The following GPC4 variants were observed in gnomAD, a reference collection of about 807,000 sequenced individuals.
The protein encoded by GPC4 is glypican-4.
Under a neutral mutation model 35.0 loss-of-function variants are expected in GPC4, and 10 were observed. The observed-to-expected ratio is 0.29, with a 90% CI of 0.18 to 0.48. The LOEUF (loss-of-function observed/expected upper bound fraction) is 0.48, where lower values mean the gene tolerates loss of function less well. GPC4 is among the 20% of genes least tolerant of loss of function. GPC4 has a pLI of 0.99. For synonymous variants in GPC4, 167 were observed against 170.2 expected, an observed-to-expected ratio of 0.98 and a Z score of 0.15; for missense variants, 322 against 451.3, an observed-to-expected ratio of 0.71 and a Z score of 2.60.
intron 3 of GPC4, among the ~76,000 whole-genome samples, chrX:133,320,233 A>G (rs1382721596): frequency 8.9e-6 from 1 of 111,948 alleles, no homozygotes; most frequent in African/African-American, 3.2e-5. Flanking sequence ...GTCTTCCCAT[A>G]CAACTACACA....
intron 1 of GPC4, among the ~76,000 whole-genome samples, chrX:133,409,261 T>C (rs1429986346): frequency 2.1e-5 from 2 of 94,082 alleles, no homozygotes; most frequent in Non-Finnish European, 4.1e-5. Flanking sequence ...AGGCAGAGGT[T>C]GCGATGAGGC....
At chrX:133,330,942 TAAGCA>T (rs1484078054) in intron 2 of GPC4, among the ~76,000 whole-genome samples, 69 of 100,140 alleles carry the variant, frequency 6.9e-4, no homozygotes, top group Non-Finnish European at 1.1e-3. Flanking sequence ...ACCCTAAGTC[TAAGCA>T]AAACAAACAA....
At chrX:133,402,585 A>G (rs1480229439) in intron 1 of GPC4, among the ~76,000 whole-genome samples, 1 of 112,066 alleles carries the variant, frequency 8.9e-6, no homozygotes, top group Non-Finnish European at 1.9e-5. Flanking sequence ...ATGCAACAAA[A>G]AGGGGCAAAG....
intron 1 of GPC4, among the ~76,000 whole-genome samples, chrX:133,391,041 A>G (rs1258267992): frequency 1.8e-5 from 2 of 112,361 alleles, no homozygotes; most frequent in Non-Finnish European, 3.7e-5. Flanking sequence ...ATCAGACCGG[A>G]AAGAAAATAT....
At chrX:133,303,438 T>C (rs2068276981) in intron 7 of GPC4, 97 bp from the exon 8 acceptor site, 2 of 708,346 alleles carry the variant, frequency 2.8e-6, no homozygotes, top group Non-Finnish European at 4.2e-6. Context: ...GTGAAGATTA[T>C]GAAGATTATA....
intron 2 of GPC4, among the ~76,000 whole-genome samples, chrX:133,334,520 C>T (rs996120536): frequency 6.3e-5 from 7 of 111,777 alleles, no homozygotes; most frequent in African/African-American, 2.0e-4. Flanking sequence ...ACCATACAGA[C>T]GGCTAATTAA....
chrX:133,388,822 T>G (rs1346204239), intron 1 of GPC4, among the ~76,000 whole-genome samples: 1 of 108,078 alleles, frequency 9.3e-6, no homozygotes, highest in Non-Finnish European at 1.9e-5. Flanking sequence ...TTTTAAGAGA[T>G]GGACTCTCAC....
intron 1 of GPC4, among the ~76,000 whole-genome samples, chrX:133,351,235 T>C (rs2068515078): frequency 9.0e-6 from 1 of 111,481 alleles, no homozygotes; most frequent in South Asian, 3.9e-4. Context: ...ATTCAGAGAA[T>C]TACCTGTGTT....
chrX:133,388,986 C>T (rs2068706705), intron 1 of GPC4, among the ~76,000 whole-genome samples: 1 of 84,999 alleles, frequency 1.2e-5, no homozygotes, highest in African/African-American at 4.9e-5. Context: ...AGACAGGGTA[C>T]GAGTCTGTCA....
In GPC4 at chrX:133,383,803, C is replaced by T. The variant is rs770312458; in HGVS notation, c.160+31003G>A. Reference sequence around the variant, plus strand: ...CTAAGGTTGCAGTGAGCCAAGATCACACCACTGCACTCCAGCCTAAGGGGC... The same window carrying T: ...CTAAGGTTGCAGTGAGCCAAGATCATACCACTGCACTCCAGCCTAAGGGGC... On this transcript the variant is annotated intron_variant, in intron 1 of 8. Coordinates refer to ENST00000370828, the MANE Select transcript of GPC4 (RefSeq NM_001448.3). 2.7e-5 allele frequency among the ~76,000 whole-genome samples: 3 copies of T among 111,856 alleles called. No homozygotes were observed. In the South Asian group the frequency reaches 1.1e-3, roughly 43 times the overall value.
chrX:133,379,001 G>A (rs1474118184), intron 1 of GPC4, among the ~76,000 whole-genome samples: 1 of 112,446 alleles, frequency 8.9e-6, no homozygotes, highest in African/African-American at 3.2e-5. Context: ...ATACACTGCT[G>A]GTGGGAATGT....
chrX:133,364,317 T>C (rs1376493358), intron 1 of GPC4, among the ~76,000 whole-genome samples: 2 of 111,415 alleles, frequency 1.8e-5, no homozygotes, highest in Admixed American at 1.9e-4. Context: ...TGCTTGGTCA[T>C]ACGGACCAAA....
chrX:133,357,989 T>C (rs1159632077), intron 1 of GPC4, among the ~76,000 whole-genome samples: 1 of 111,819 alleles, frequency 8.9e-6, no homozygotes, highest in Non-Finnish European at 1.9e-5. Flanking sequence ...TTTTAGTCTT[T>C]GGAAATATTT....
intron 1 of GPC4, among the ~76,000 whole-genome samples, chrX:133,342,486 C>T (rs972148864): frequency 4.5e-5 from 5 of 112,096 alleles, no homozygotes; most frequent in African/African-American, 9.7e-5. Flanking sequence ...CTGGCAAAGT[C>T]GTCTGCCCCT....
chrX:133,397,374 TATGGC>T (rs1195623491), intron 1 of GPC4, among the ~76,000 whole-genome samples: 3 of 110,420 alleles, frequency 2.7e-5, no homozygotes, highest in Non-Finnish European at 5.7e-5. Context: ...GCCTGGGCGA[TATGGC>T]AAAACTCCCT....
chrX:133,401,022 T>C (rs918594208), intron 1 of GPC4, among the ~76,000 whole-genome samples: 1 of 111,054 alleles, frequency 9.0e-6, no homozygotes, highest in African/African-American at 3.3e-5. Flanking sequence ...ACCATGCTGC[T>C]ATCTGGCAGC....
intron 1 of GPC4, among the ~76,000 whole-genome samples, chrX:133,376,481 T>C (rs1223590452): frequency 1.8e-5 from 2 of 112,693 alleles, no homozygotes; most frequent in Non-Finnish European, 3.8e-5. Flanking sequence ...CCTACCTCCA[T>C]GATGGAATCT....
At chrX:133,368,810 A>G (rs1299838704) in intron 1 of GPC4, among the ~76,000 whole-genome samples, 1 of 109,841 alleles carries the variant, frequency 9.1e-6, no homozygotes, top group Non-Finnish European at 1.9e-5. Context: ...ACACCCAGCT[A>G]ATTTTTTGTA....
intron 1 of GPC4, among the ~76,000 whole-genome samples, chrX:133,388,347 C>G (rs1306161463): frequency 8.9e-6 from 1 of 112,029 alleles, no homozygotes; most frequent in Admixed American, 9.4e-5. Flanking sequence ...TTGGAATAGG[C>G]TTCTGGACAT....
Sources: gnomAD v4.1 joint callset for allele counts (sites outside exome capture counted in the v4.1 genomes callset) on GRCh38, gnomAD v4.1.1 for gene constraint, MANE v1.5 for transcripts, NCBI Gene and HGNC (gene_info 2026-07-23, HGNC 2026-07-21) for gene names.